GAN: variants seen among roughly 807,000 people sequenced by gnomAD.
The protein encoded by GAN is gigaxonin.
A neutral mutation model predicts 71.3 loss-of-function variants in GAN; 48 were observed. The ratio of observed to expected loss-of-function variants is 0.67; its 90% CI spans 0.53 to 0.86. The LOEUF is 0.86. Ranked by LOEUF, GAN falls within the 40% of genes least tolerant of loss-of-function variation. The pLI, the probability that GAN is intolerant of heterozygous loss-of-function variation, is 0.00. For missense variants in GAN, 928 were observed against 770.1 expected (o/e 1.21, Z -2.43); for synonymous variants, 386 against 276.8 (o/e 1.39, Z -3.92).
chr16:81,360,115 CAGGT>C (rs1260521953), intron 5 of GAN, among the ~76,000 whole-genome samples: 2 of 152,056 alleles, frequency 1.3e-5, no homozygotes, highest in East Asian at 3.9e-4. Flanking sequence ...GATAGACAGG[CAGGT>C]AGGTAGGTAG....
intron 5 of GAN, 61 bp from the exon 6 acceptor site, chr16:81,362,438 G>C: frequency 1.2e-6 from 1 of 830,524 alleles, no homozygotes; most frequent in Non-Finnish European, 2.1e-6. Context: ...TATATATGCT[G>C]TGGCGTTTAT....
intron 9 of GAN, chr16:81,372,145 T>G (rs1347159311): frequency 6.6e-6 from 1 of 152,236 alleles, no homozygotes; most frequent in African/African-American, 2.4e-5. Context: ...TGCTGTATTT[T>G]AAAGCTTCAG....
At position 81,378,732 on chromosome 16, in the gene GAN, A is replaced by G. The variant is rs1904290717; in HGVS notation, c.*1136A>G. Reference sequence around the variant, plus strand: ...ACGAGTAAAGTTTGGCTGGTAGAATAAACTACCTCAACTTAATTTCATTCT... The same window carrying G: ...ACGAGTAAAGTTTGGCTGGTAGAATGAACTACCTCAACTTAATTTCATTCT... On this transcript the variant is annotated 3_prime_UTR_variant, in exon 11 of 11. Transcript: ENST00000648994. 6.6e-6 allele frequency: 1 copy of G among 152,656 alleles called. No individual in the cohort carries two copies. The highest frequency in any genetic ancestry group is 6.5e-5 in the Admixed American group (1 of 15,280). The allele number at this position is 152,656 out of a possible 1,614,324, so 9.5% of individuals were successfully genotyped here.
rs566565925 is a variant in GAN, at chr16:81,325,654, C to G, written c.167+10374C>G. 3.9e-5 allele frequency among the ~76,000 whole-genome samples: 6 copies of G among 152,256 alleles called. No homozygotes were observed. In the South Asian group the frequency reaches 1.2e-3, roughly 32 times the overall value. ...GAGAGCAGCGCACTGGGACAGTGTC[C>G]TAGGCATCAAGATGGTGGTGGGTCT... On this transcript the variant is annotated intron_variant, in intron 1 of 10. Transcript: ENST00000648994.
chr16:81,319,384 G>A (rs941433237), intron 1 of GAN, among the ~76,000 whole-genome samples: 2 of 151,882 alleles, frequency 1.3e-5, no homozygotes, highest in African/African-American at 2.4e-5. Context: ...TCTGCTTCAT[G>A]TCTGAGGCTC....
At chr16:81,362,461 C>G (rs778888503) in intron 5 of GAN, 38 bp from the exon 6 acceptor site, 4 of 1,070,252 alleles carry the variant, frequency 3.7e-6, no homozygotes, top group Non-Finnish European at 5.9e-6. Context: ...GTGTTGAAGA[C>G]TCACATTTCA....
intron 1 of GAN, among the ~76,000 whole-genome samples, chr16:81,324,504 C>A (rs1909317668): frequency 6.6e-6 from 1 of 152,058 alleles, no homozygotes; most frequent in African/African-American, 2.4e-5. Context: ...TCAGGCCTCT[C>A]TGGGAACAGA....
chr16:81,341,369 GT>G (rs1909935838), intron 1 of GAN, among the ~76,000 whole-genome samples: 1 of 152,158 alleles, frequency 6.6e-6, no homozygotes, highest in Non-Finnish European at 1.5e-5. Context: ...AGGAAAAAAT[GT>G]TAAGGGCAGC....
intron 1 of GAN, among the ~76,000 whole-genome samples, chr16:81,345,428 G>T (rs1264117828): frequency 6.6e-6 from 1 of 152,176 alleles, no homozygotes; most frequent in Non-Finnish European, 1.5e-5. Flanking sequence ...AAAAAAGGAT[G>T]AGTTCATGTC....
chr16:81,389,005 G>A lies in GAN; in HGVS notation c.*11409G>A, dbSNP rs1387221505. The A allele has an allele frequency of 2.6e-5, 4 of 152,300 alleles. No individual in the cohort carries two copies. The South Asian group carries it at 6.2e-4, about 24-fold the overall frequency. 9.4% of individuals were successfully genotyped at this position (152,300 alleles called of 1,614,324 possible). A position where few individuals can be genotyped will look rare whatever the true frequency, so the allele number is the denominator to read the frequency against. ...AATCATGTAGGATCTGGTACATGGG[G>A]CGGGCAAAAGGGTATCATCAGCTTA... On this transcript the variant is annotated 3_prime_UTR_variant, in exon 11 of 11. Transcript: ENST00000648994.
rs11430822 is a variant in GAN, at chr16:81,350,518, A to ATT, written c.168-1051_168-1050dup. Among the ~76,000 whole-genome samples, 855 of 145,160 alleles carry ATT rather than the reference A, an allele frequency of 5.9e-3. 5 individuals carry two copies. Among genetic ancestry groups the ATT allele is most frequent in the South Asian group, 0.015 (69 of 4,616 alleles). The stretch of plus-strand genomic sequence containing the variant: ...GTTTATTTATTTATTTACTTACTTA[A>ATT]TTTTTTTTTTTTTTTGAGGCAGAGT... On this transcript the variant is annotated intron_variant, in intron 1 of 10. Coordinates refer to ENST00000648994, the MANE Select transcript of GAN (RefSeq NM_022041.4).
At chr16:81,342,811 A>G (rs1402686520) in intron 1 of GAN, among the ~76,000 whole-genome samples, 1 of 152,004 alleles carries the variant, frequency 6.6e-6, no homozygotes, top group Non-Finnish European at 1.5e-5. Context: ...TGGAGACACA[A>G]CCCTTCAAAA....
At chr16:81,351,954 C>T (rs896476919) in intron 2 of GAN, among the ~76,000 whole-genome samples, 1 of 152,188 alleles carries the variant, frequency 6.6e-6, no homozygotes, top group African/African-American at 2.4e-5. Flanking sequence ...TCCACCTTCT[C>T]ATATGAGATA....
chr16:81,330,123 C>T (rs1485906674), intron 1 of GAN, among the ~76,000 whole-genome samples: 2 of 152,230 alleles, frequency 1.3e-5, no homozygotes, highest in East Asian at 3.8e-4. Flanking sequence ...TGGCCCTGCC[C>T]CTCCTCAAGT....
At chr16:81,353,829 A>G (rs561571688) in intron 2 of GAN, among the ~76,000 whole-genome samples, 1 of 152,302 alleles carries the variant, frequency 6.6e-6, no homozygotes, top group Middle Eastern at 3.4e-3. Flanking sequence ...TTTATTCCAA[A>G]AAGTAGTTTT....
chr16:81,331,920 T>C (rs1174116130), intron 1 of GAN, among the ~76,000 whole-genome samples: 2 of 152,098 alleles, frequency 1.3e-5, no homozygotes, highest in African/African-American at 2.4e-5. Flanking sequence ...CCCAGCACTT[T>C]GGGAGGTCAA....
In GAN at chr16:81,365,362, G is replaced by C; in HGVS notation, c.1386G>C (p.Val462=). The C allele has an allele frequency of 6.2e-7, 1 of 1,613,850 alleles. No individual in the cohort carries two copies. The highest frequency in any genetic ancestry group is 8.5e-7 in the Non-Finnish European group (1 of 1,179,978). The change falls in exon 9 of 11, where the codon GTG becomes GTC. Residue 462 remains valine, a synonymous_variant. Coordinates refer to ENST00000648994, the MANE Select transcript of GAN (RefSeq NM_022041.4). ...TGTGGCCTTTCAGGTTTGGAGCGGT[G>C]GCCTGTGGAGTTGCTATGGAGCTGT... ...CPLKERRFGA[V]ACGVAMELYV... is the part of the protein sequence containing the mutation.
chr16:81,387,015 G>T lies in GAN; in HGVS notation c.*9419G>T, dbSNP rs1260624015. ...GACCGAGAAGTCGGCTGAATAGCCA[G>T]GTTCAGACAGTGTTGGCAAGAACGG... is the stretch of plus-strand genomic sequence containing the variant. On this transcript the variant is annotated 3_prime_UTR_variant, in exon 11 of 11. Coordinates refer to ENST00000648994, the MANE Select transcript of GAN (RefSeq NM_022041.4). 1 of 152,264 alleles carries T rather than the reference G, an allele frequency of 6.6e-6. No individual in the cohort carries two copies. Among genetic ancestry groups the T allele is most frequent in the African/African-American group, 2.4e-5 (1 of 41,468 alleles). The allele number at this position is 152,264 out of a possible 1,614,324, so 9.4% of individuals were successfully genotyped here.
intron 1 of GAN, among the ~76,000 whole-genome samples, chr16:81,336,285 A>T (rs1422022985): frequency 6.6e-6 from 1 of 152,066 alleles, no homozygotes; most frequent in Non-Finnish European, 1.5e-5. Context: ...TTCCATGTAG[A>T]TGGAATTCTT....
Sources: allele counts gnomAD v4.1 joint callset (sites outside exome capture counted in the v4.1 genomes callset), GRCh38; gene constraint gnomAD v4.1.1; transcripts MANE v1.5; gene names NCBI Gene and HGNC (gene_info 2026-07-23, HGNC 2026-07-21).